The following PCNT variants were observed in gnomAD, a reference collection of about 807,000 sequenced individuals.
PCNT encodes kendrin.
Under a neutral mutation model 380.4 loss-of-function variants are expected in PCNT, and 319 were observed. That is an observed-to-expected ratio of 0.84 (90% CI 0.77 to 0.92). PCNT has a LOEUF of 0.92. Ranked by LOEUF, PCNT falls within the 40% of genes least tolerant of loss-of-function variation. PCNT has a pLI of 0.00. For synonymous variants in PCNT, 1,845 were observed against 1,735.2 expected, an observed-to-expected ratio of 1.06 and a Z score of -1.57; for missense variants, 4,400 against 4,255.3, an observed-to-expected ratio of 1.03 and a Z score of -0.95.
chr21:46,367,794 T>G (rs1391401930), intron 15 of PCNT, among the ~76,000 whole-genome samples: 1 of 151,884 alleles, frequency 6.6e-6, no homozygotes, highest in Non-Finnish European at 1.5e-5. Context: ...TGTGGGAAGA[T>G]CTGATGGTCA....
chr21:46,358,341 C>G (rs150955053), intron 13 of PCNT, among the ~76,000 whole-genome samples: 3 of 152,350 alleles, frequency 2.0e-5, no homozygotes, highest in Middle Eastern at 3.4e-3. Flanking sequence ...CTGTGAATGT[C>G]TCCCTGAGAA....
At chr21:46,444,576 G>C in intron 45 of PCNT, 118 bp from the exon 46 acceptor site, 4 of 1,066,196 alleles carry the variant, frequency 3.8e-6, no homozygotes, top group South Asian at 2.7e-5. Context: ...CCATCCCCAC[G>C]GGTCTGGTTG....
intron 15 of PCNT, among the ~76,000 whole-genome samples, chr21:46,373,177 TGCCTG>T (rs1175104181): frequency 6.6e-6 from 1 of 152,030 alleles, no homozygotes; most frequent in Non-Finnish European, 1.5e-5. Flanking sequence ...TGCACCACCA[TGCCTG>T]GCTAATTTAT....
At chr21:46,325,504 C>A (rs1238048973) in intron 1 of PCNT, among the ~76,000 whole-genome samples, 1 of 152,208 alleles carries the variant, frequency 6.6e-6, no homozygotes, top group African/African-American at 2.4e-5. Flanking sequence ...AAATAAACGA[C>A]ATGAGGTTGA....
chr21:46,389,539 TC>T, intron 19 of PCNT, 108 bp downstream of exon 19: 2 of 831,232 alleles, frequency 2.4e-6, no homozygotes, highest in East Asian at 5.3e-5. Context: ...CACGGGTTTC[TC>T]CCCAAGGAGG....
chr21:46,415,728 T>G (rs1252035831), intron 29 of PCNT, among the ~76,000 whole-genome samples: 1 of 152,146 alleles, frequency 6.6e-6, no homozygotes, highest in Admixed American at 6.5e-5. Flanking sequence ...GCCTGCCAAA[T>G]TCTTAGAAGT....
intron 17 of PCNT, among the ~76,000 whole-genome samples, chr21:46,387,830 C>T (rs1041063455): frequency 2.0e-5 from 3 of 152,006 alleles, no homozygotes; most frequent in Admixed American, 2.0e-4. Context: ...ACGTGCCTGT[C>T]CTCAGCGGCG....
At position 46,375,231 on chromosome 21, in the gene PCNT, G is replaced by A. The variant is rs140952363; in HGVS notation, c.3166-6463G>A. ...TGCAGAAGTGAATCGCATGCGGCCG[G>A]TGTGGGATGCTCAAGGCGGTGTCAT... On this transcript the variant is annotated intron_variant, in intron 15 of 46. Coordinates refer to ENST00000359568, the MANE Select transcript of PCNT (RefSeq NM_006031.6). Among the ~76,000 whole-genome samples the A allele has an allele frequency of 7.1e-3, 1,085 of 152,306 alleles. 4 individuals carry two copies. Among genetic ancestry groups the A allele is most frequent in the Non-Finnish European group, 0.013 (856 of 68,034 alleles).
chr21:46,382,106 C>A (rs921755087), intron 16 of PCNT, among the ~76,000 whole-genome samples: 1 of 146,052 alleles, frequency 6.8e-6, no homozygotes, highest in Non-Finnish European at 1.5e-5. Context: ...GTTCTGCATT[C>A]AGTGGCAGAA....
Position 46,427,635 on chromosome 21 carries a change from C to T in PCNT, c.7334C>T (p.Ala2445Val), listed in dbSNP as rs749868653. 5.0e-6 allele frequency: 8 copies of T among 1,613,954 alleles called. No individual in the cohort carries two copies. Among genetic ancestry groups the T allele is most frequent in the East Asian group, 2.2e-5 (1 of 44,876 alleles). ...TTCTTCCTTTAGGAAGTGCCCACCG[C>T]GTGCCCCGATTGGAGAGGGGACCTT... ...HGGKTQEVPT[A>V]CPDWRGDLLQ... Residue 2445 changes from alanine (A) to valine (V), a missense_variant, in exon 34 of 47, where the codon GCG becomes GTG. By Grantham distance (64) the Ala-to-Val change is moderately conservative (BLOSUM62 0). Coordinates refer to ENST00000359568, the MANE Select transcript of PCNT (RefSeq NM_006031.6).
intron 27 of PCNT, among the ~76,000 whole-genome samples, chr21:46,407,411 G>A (rs539449842): frequency 7.2e-6 from 1 of 138,698 alleles, no homozygotes; most frequent in Non-Finnish European, 1.5e-5. Context: ...GCGCGATCTC[G>A]GCTCCCTGCA....
intron 26 of PCNT, 39 bp from the exon 27 acceptor site, chr21:46,402,292 A>G (rs973798811): frequency 2.2e-6 from 3 of 1,360,190 alleles, no homozygotes; most frequent in African/African-American, 1.5e-5. Context: ...AGAATATTAG[A>G]TGACTTTTAA....
chr21:46,356,979 C>T lies in PCNT; in HGVS notation c.1942C>T (p.Pro648Ser), dbSNP rs774048495. 7 of 1,613,780 alleles carry T rather than the reference C, an allele frequency of 4.3e-6. No homozygotes were observed. Among genetic ancestry groups the T allele is most frequent in the Non-Finnish European group, 5.1e-6 (6 of 1,179,988 alleles). The stretch of plus-strand genomic sequence containing the variant: ...CCTGCTCCTTTTCCACACAGAGCTT[C>T]CCTGGGTGCATCTCCAGGGTGTGCA... Reference protein sequence around the residue: ...EPSEGHSQELPWVHLQGVQDG... With the variant: ...EPSEGHSQELSWVHLQGVQDG... Residue 648 changes from proline to serine, a missense_variant, in exon 13 of 47, where the codon CCC (proline) becomes TCC (serine). Physicochemically the swap from Pro to Ser is moderately conservative, Grantham distance 74. Coordinates refer to ENST00000359568, the MANE Select transcript of PCNT (RefSeq NM_006031.6).
chr21:46,353,755 A>T lies in PCNT; in HGVS notation c.1680-232A>T, dbSNP rs112283432. Among the ~76,000 whole-genome samples, 4,972 of 135,136 alleles carry T rather than the reference A, an allele frequency of 0.037. 154 individuals are homozygous for T. The highest frequency in any genetic ancestry group is 0.095 in the African/African-American group (3,298 of 34,602). 88.7% of individuals were successfully genotyped at this position (135,136 alleles called of 152,430 possible). A position where few individuals can be genotyped will look rare whatever the true frequency, so the allele number is the denominator to read the frequency against. ...GTGTGTGTGTGTGTGTGTGTGTGAG[A>T]GAGACAGAGAGAGAGTCAGTGGCGG... On this transcript the variant is annotated intron_variant, in intron 10 of 46. Coordinates refer to ENST00000359568, the MANE Select transcript of PCNT (RefSeq NM_006031.6).
rs148643301 is a variant in PCNT, at chr21:46,405,928, C to T, written c.5115+3445C>T. Among the ~76,000 whole-genome samples, 530 of 152,246 alleles carry T rather than the reference C, an allele frequency of 3.5e-3. 3 individuals are homozygous for T. The highest frequency in any genetic ancestry group is 3.2e-3 in the Non-Finnish European group (217 of 68,014). On this transcript the variant is annotated intron_variant, in intron 27 of 46. Coordinates refer to ENST00000359568, the MANE Select transcript of PCNT (RefSeq NM_006031.6). ...TTTTTCTTACAGATATGTGCAAATT[C>T]GTACATCCTTCATTTTCTGTAATTC... is the stretch of plus-strand genomic sequence containing the variant.
In PCNT at chr21:46,346,737, C is replaced by A; in HGVS notation, c.721-6C>A. The A allele has an allele frequency of 6.3e-7, 1 of 1,594,626 alleles. No individual in the cohort carries two copies. Among genetic ancestry groups the A allele is most frequent in the Admixed American group, 1.8e-5 (1 of 56,672 alleles). On this transcript the variant is annotated splice_polypyrimidine_tract_variant and splice_region_variant and intron_variant, in intron 4 of 46. Transcript: ENST00000359568. Reference sequence around the variant, plus strand: ...GCCCTTATCAGAGGCCTTTTCTCCGCCGCAGGCCGTGCATGGCCTTGAGCT... The same window carrying A: ...GCCCTTATCAGAGGCCTTTTCTCCGACGCAGGCCGTGCATGGCCTTGAGCT...
At chr21:46,370,132 G>T (rs1159791944) in intron 15 of PCNT, among the ~76,000 whole-genome samples, 1 of 151,988 alleles carries the variant, frequency 6.6e-6, no homozygotes, top group Non-Finnish European at 1.5e-5. Flanking sequence ...TGGATTGTGC[G>T]TGCAGTGGGG....
In PCNT at chr21:46,346,799, G is replaced by A. The variant is rs771303269; in HGVS notation, c.777G>A (p.Thr259=). 5.6e-6 allele frequency: 9 copies of A among 1,600,454 alleles called. No homozygotes were observed. The highest frequency in any genetic ancestry group is 4.5e-5 in the South Asian group (4 of 88,710). ...GCCTGAGTCTGAGCAACATGCACAC[G>A]GCGCAGCTGGAGCTGACACAGGCCA... ...ALRLSLSNMH[T]AQLELTQANL... Residue 259 remains threonine (T), a synonymous_variant, in exon 5 of 47, where the codon ACG becomes ACA. Coordinates refer to ENST00000359568, the MANE Select transcript of PCNT (RefSeq NM_006031.6).
chr21:46,349,028 G>T lies in PCNT; in HGVS notation c.1049G>T (p.Trp350Leu). 6.3e-7 allele frequency: 1 copy of T among 1,591,824 alleles called. No individual in the cohort carries two copies. Among genetic ancestry groups the T allele is most frequent in the South Asian group, 1.1e-5 (1 of 90,438 alleles). ...TTAAATTAGACCCTGAAGGAAGATT[G>T]GGAATCTGAAAAAGATTTATGTTTA... ...AQIVKTLKED[W>L]ESEKDLCLEN... The change falls in exon 7 of 47, where the codon TGG (tryptophan) becomes TTG (leucine). Residue 350 changes from tryptophan to leucine, a missense_variant. Trp to Leu is a moderately conservative substitution (Grantham distance 61). Coordinates refer to ENST00000359568, the MANE Select transcript of PCNT (RefSeq NM_006031.6).
Sources: gnomAD v4.1 joint callset for allele counts (sites outside exome capture counted in the v4.1 genomes callset) on GRCh38, gnomAD v4.1.1 for gene constraint, MANE v1.5 for transcripts, NCBI Gene and HGNC (gene_info 2026-07-23, HGNC 2026-07-21) for gene names.